The following SCIMP variants were observed in gnomAD, a reference collection of about 807,000 sequenced individuals.
SCIMP encodes the protein SLP adapter and CSK-interacting membrane protein.
Under a neutral mutation model 22.0 loss-of-function variants are expected in SCIMP, and 18 were observed. The observed-to-expected ratio is 0.82, with a 90% CI of 0.56 to 1.21. The LOEUF is 1.21. Ranked by LOEUF, SCIMP falls within the 50% of genes most tolerant of loss-of-function variation. SCIMP has a pLI of 0.00. For missense variants in SCIMP, 155 were observed against 171.2 expected, an observed-to-expected ratio of 0.91 and a Z score of 0.53; for synonymous variants, 53 against 62.2, an observed-to-expected ratio of 0.85 and a Z score of 0.70.
In SCIMP at chr17:5,213,223, C is replaced by T. The variant is rs144890148; in HGVS notation, c.283+1702G>A. 232 of 982,924 alleles carry T rather than the reference C, an allele frequency of 2.4e-4. 1 individual carries two copies. In the Middle Eastern group the frequency reaches 3.1e-3, roughly 13 times the overall value. 60.9% of individuals were successfully genotyped at this position (982,924 alleles called of 1,614,324 possible). A position where few individuals can be genotyped will look rare whatever the true frequency, so the allele number is the denominator to read the frequency against. On this transcript the variant is annotated intron_variant, in intron 4 of 4. Transcript: ENST00000574081. ...CCTTATATCAGGCTATTGGGTGCGT[C>T]GGTACTTATGCTGCCCCCTTTTTGC...
chr17:5,222,559 T>G (rs1567841096), intron 2 of SCIMP, among the ~76,000 whole-genome samples: 1 of 152,206 alleles, frequency 6.6e-6, no homozygotes, highest in Non-Finnish European at 1.5e-5. Context: ...AGGTTTCTGG[T>G]CTAGGTAATA....
chr17:5,231,075 A>T (rs2074690114), intron 1 of SCIMP, among the ~76,000 whole-genome samples: 1 of 152,088 alleles, frequency 6.6e-6, no homozygotes, highest in South Asian at 2.1e-4. Context: ...GTTGTTTTTC[A>T]AGGGCTGGGC....
rs1369003322 is a variant in SCIMP at position 5,209,290 on chromosome 17, A to G, written c.*1511T>C. On this transcript the variant is annotated 3_prime_UTR_variant, in exon 5 of 5. Transcript: ENST00000574081. ...GCTGGGATTACAGGCATGCGCGACC[A>G]TGCCTGACTAATTTTGTATTTTTAG... The G allele has an allele frequency of 6.6e-6, 1 of 152,156 alleles. No homozygotes were observed. The highest frequency in any genetic ancestry group is 2.4e-5 in the African/African-American group (1 of 41,424). The allele number at this position is 152,156 out of a possible 1,614,324, so 9.4% of individuals were successfully genotyped here.
chr17:5,210,266 G>C lies in SCIMP; in HGVS notation c.*535C>G, dbSNP rs1420272471. On this transcript the variant is annotated 3_prime_UTR_variant, in exon 5 of 5. Transcript: ENST00000574081. Reference sequence around the variant, plus strand: ...GTACTCCCTGCCCTTGCAAACTCGCGAGATGTGGTGTGGGAACCTGGGCAC... The same window carrying C: ...GTACTCCCTGCCCTTGCAAACTCGCCAGATGTGGTGTGGGAACCTGGGCAC... 1 of 152,508 alleles carries C rather than the reference G, an allele frequency of 6.6e-6. No individual in the cohort carries two copies. The highest frequency in any genetic ancestry group is 1.5e-5 in the Non-Finnish European group (1 of 68,356). The allele number at this position is 152,508 out of a possible 1,614,324, so 9.4% of individuals were successfully genotyped here. A position where few individuals can be genotyped will look rare whatever the true frequency, so the allele number is the denominator to read the frequency against.
At chr17:5,219,728 G>T (rs73976323) in intron 3 of SCIMP, among the ~76,000 whole-genome samples, 4,475 of 152,258 alleles carry the variant, frequency 0.029, 218 homozygotes, top group African/African-American at 0.1. Flanking sequence ...GCCTGTTTTT[G>T]TTTGCCTGGG....
intron 3 of SCIMP, among the ~76,000 whole-genome samples, chr17:5,215,507 G>A (rs1449526081): frequency 3.3e-5 from 5 of 152,208 alleles, no homozygotes; most frequent in South Asian, 4.2e-4. Flanking sequence ...CCACCTATTC[G>A]GGAGGCTGAG....
intron 1 of SCIMP, chr17:5,233,754 G>A (rs1433271821): frequency 2.0e-5 from 3 of 152,230 alleles, no homozygotes; most frequent in African/African-American, 7.2e-5. Flanking sequence ...AGGGACAAGT[G>A]GACACACCAG....
At chr17:5,211,169 C>T (rs2074523518) in intron 4 of SCIMP, among the ~76,000 whole-genome samples, 1 of 152,160 alleles carries the variant, frequency 6.6e-6, no homozygotes, top group African/African-American at 2.4e-5. Context: ...CATCTTGACT[C>T]CCGTATCTTT....
chr17:5,217,331 C>A (rs990263619), intron 3 of SCIMP, among the ~76,000 whole-genome samples: 1 of 152,030 alleles, frequency 6.6e-6, no homozygotes, highest in African/African-American at 2.4e-5. Context: ...CACTAGCTCA[C>A]AGAAAAGAGC....
At chr17:5,220,432 CAAAAAA>C (rs908309110) in intron 3 of SCIMP, among the ~76,000 whole-genome samples, 7 of 63,698 alleles carry the variant, frequency 1.1e-4, no homozygotes, top group Admixed American at 5.3e-4. Flanking sequence ...ACCCCATCTC[CAAAAAA>C]AAAAAAAAAA....
At chr17:5,218,719 T>C (rs1267071685) in intron 3 of SCIMP, among the ~76,000 whole-genome samples, 4 of 152,092 alleles carry the variant, frequency 2.6e-5, no homozygotes, top group Non-Finnish European at 5.9e-5. Context: ...GGGATCAGAA[T>C]TGATGGAGGC....
At chr17:5,228,373 G>A (rs1386279144) in intron 1 of SCIMP, among the ~76,000 whole-genome samples, 1 of 147,850 alleles carries the variant, frequency 6.8e-6, no homozygotes, top group African/African-American at 2.5e-5. Context: ...ATTGAGCACA[G>A]TGGCTCACAC....
At chr17:5,230,529 A>G (rs918374863) in intron 1 of SCIMP, among the ~76,000 whole-genome samples, 3 of 152,180 alleles carry the variant, frequency 2.0e-5, no homozygotes, top group South Asian at 4.1e-4. Context: ...AGCCAGCAGG[A>G]TGGTGCAAAG....
rs1394377858 is a variant in SCIMP, at chr17:5,221,363, A to G, written c.146-13T>C. ...TCCCATTTCTTGCCTAAGAGGGGAA[A>G]AGCATGTTCATTGAAGAAGAATTAG... On this transcript the variant is annotated splice_polypyrimidine_tract_variant and intron_variant, in intron 2 of 4. Coordinates refer to ENST00000574081, the MANE Select transcript of SCIMP (RefSeq NM_207103.3). 1.2e-6 allele frequency: 2 copies of G among 1,605,198 alleles called. No homozygotes were observed. The highest frequency in any genetic ancestry group is 1.7e-6 in the Non-Finnish European group (2 of 1,171,878).
In SCIMP at chr17:5,221,940, T is replaced by C. The variant is rs1416758349; in HGVS notation, c.146-590A>G. ...GGTGCCTGCCACCACACCTGGCTAA[T>C]TTTTGTATTTTTAATAGAGATGGGG... On this transcript the variant is annotated intron_variant, in intron 2 of 4. Coordinates refer to ENST00000574081, the MANE Select transcript of SCIMP (RefSeq NM_207103.3). 2.0e-5 allele frequency among the ~76,000 whole-genome samples: 3 copies of C among 151,410 alleles called. No homozygotes were observed. The East Asian group carries it at 5.8e-4, about 29-fold the overall frequency.
chr17:5,226,574 C>G (rs9892674), intron 1 of SCIMP, among the ~76,000 whole-genome samples: 3 of 147,938 alleles, frequency 2.0e-5, no homozygotes, highest in African/African-American at 7.5e-5. Flanking sequence ...GGCGTGATCT[C>G]GGCTCACTGC....
At chr17:5,232,400 T>TGC (rs1555615401) in intron 1 of SCIMP, among the ~76,000 whole-genome samples, 58 of 81,948 alleles carry the variant, frequency 7.1e-4, no homozygotes, top group East Asian at 6.4e-3. Context: ...GTATAAACAG[T>TGC]ATAAACAGTG....
intron 1 of SCIMP, among the ~76,000 whole-genome samples, chr17:5,228,614 C>T (rs1450839262): frequency 6.6e-6 from 1 of 151,936 alleles, no homozygotes; most frequent in Non-Finnish European, 1.5e-5. Flanking sequence ...CACTGCACTC[C>T]AGCCTGAGTG....
chr17:5,229,257 G>A (rs777950708), intron 1 of SCIMP, among the ~76,000 whole-genome samples: 3 of 152,142 alleles, frequency 2.0e-5, no homozygotes, highest in African/African-American at 7.2e-5. Flanking sequence ...GTGTGAGTGG[G>A]AGAGCAACTG....
Sources: gnomAD v4.1 joint callset for allele counts (sites outside exome capture counted in the v4.1 genomes callset) on GRCh38, gnomAD v4.1.1 for gene constraint, MANE v1.5 for transcripts, NCBI Gene and HGNC (gene_info 2026-07-23, HGNC 2026-07-21) for gene names.